ALDH2: variants seen among roughly 807,000 people sequenced by gnomAD.
ALDH2 encodes the protein aldehyde dehydrogenase 2 family member.
ALDH2 carries 44 observed loss-of-function variants against 59.6 expected under a neutral mutation model. That is an observed-to-expected ratio of 0.74 (90% CI 0.58 to 0.95). The LOEUF (loss-of-function observed/expected upper bound fraction) is 0.95. Among genes scored for constraint, ALDH2 ranks in the 40% least tolerant of loss-of-function variants. ALDH2 has a pLI of 0.00. For missense variants in ALDH2, 570 were observed against 696.3 expected, an observed-to-expected ratio of 0.82 and a Z score of 2.04; for synonymous variants, 291 against 284.0, an observed-to-expected ratio of 1.02 and a Z score of -0.25.
At chr12:111,807,221 C>A (rs2068502803) in intron 12 of ALDH2, among the ~76,000 whole-genome samples, 1 of 152,076 alleles carries the variant, frequency 6.6e-6, no homozygotes, top group African/African-American at 2.4e-5. Flanking sequence ...CGAGATGGTG[C>A]CACTGCACTC....
chr12:111,790,290 A>G, intron 5 of ALDH2, 144 bp from the exon 6 acceptor site: 1 of 1,058,762 alleles, frequency 9.4e-7, no homozygotes, highest in Non-Finnish European at 1.4e-6. Context: ...TCATCTTAAA[A>G]CCACGATGGA....
At position 111,799,977 on chromosome 12, in the gene ALDH2, C is replaced by T. The variant is rs1566193719; in HGVS notation, c.1320C>T (p.Ser440=). 6 of 1,613,928 alleles carry T rather than the reference C, an allele frequency of 3.7e-6. No individual in the cohort carries two copies. The South Asian group carries it at 5.5e-5, about 15-fold the overall frequency. ...AGGTTGTTGGGAGAGCCAACAATTC[C>T]ACGTACGGGCTGGCCGCAGCTGTCT... ...IEEVVGRANN[S]TYGLAAAVFT... Residue 440 remains serine (S), a synonymous_variant, in exon 11 of 13, where the codon TCC becomes TCT. Coordinates refer to ENST00000261733, the MANE Select transcript of ALDH2 (RefSeq NM_000690.4).
chr12:111,781,790 T>G, intron 1 of ALDH2, 128 bp from the exon 2 acceptor site: 1 of 673,640 alleles, frequency 1.5e-6, no homozygotes. Context: ...GTGCTTTTCA[T>G]TTGTAGGCTA....
chr12:111,785,326 C>T lies in ALDH2; in HGVS notation c.420C>T (p.Asp140=). The change falls in exon 4 of 13, where the codon GAC becomes GAT. Residue 140 remains aspartate, a synonymous_variant. Coordinates refer to ENST00000261733, the MANE Select transcript of ALDH2 (RefSeq NM_000690.4). ...PYVISYLVDL[D]MVLKCLRYYA... is the part of the protein sequence containing the mutation. ...TCATCTCCTACCTGGTGGATTTGGACATGGTCCTCAAATGTCTCCGGTATG... is the reference window on the plus strand; with the variant it reads ...TCATCTCCTACCTGGTGGATTTGGATATGGTCCTCAAATGTCTCCGGTATG... 1 of 1,614,078 alleles carries T rather than the reference C, an allele frequency of 6.2e-7. No individual in the cohort carries two copies. Among genetic ancestry groups the T allele is most frequent in the South Asian group, 1.1e-5 (1 of 91,084 alleles).
chr12:111,792,418 C>T (rs567771820), intron 8 of ALDH2, among the ~76,000 whole-genome samples, 180 bp from the exon 9 acceptor site: 9 of 152,394 alleles, frequency 5.9e-5, no homozygotes, highest in African/African-American at 1.2e-4. Flanking sequence ...GCCATCACGC[C>T]CTTTGTCCTG....
In ALDH2 at chr12:111,805,244, C is replaced by T. The variant is rs868660018; in HGVS notation, c.1521+1271C>T. On this transcript the variant is annotated intron_variant, in intron 12 of 12. Coordinates refer to ENST00000261733, the MANE Select transcript of ALDH2 (RefSeq NM_000690.4). The stretch of plus-strand genomic sequence containing the variant: ...TAAAAAAAGAAAGGAAAAACTGGAG[C>T]GTGGTGTTGCATGCCTGTAGTCCCA... Among the ~76,000 whole-genome samples the T allele has an allele frequency of 4.6e-5, 7 of 152,114 alleles. No homozygotes were observed. The South Asian group carries it at 6.2e-4, about 14-fold the overall frequency.
chr12:111,809,868 G>A lies in ALDH2; in HGVS notation c.*293G>A, dbSNP rs552684652. The A allele has an allele frequency of 6.7e-5, 31 of 465,000 alleles. No homozygotes were observed. The East Asian group carries it at 1.0e-3, about 16-fold the overall frequency. 28.8% of individuals were successfully genotyped at this position (465,000 alleles called of 1,614,324 possible). A position where few individuals can be genotyped will look rare whatever the true frequency, so the allele number is the denominator to read the frequency against. On this transcript the variant is annotated 3_prime_UTR_variant, in exon 13 of 13. Coordinates refer to ENST00000261733, the MANE Select transcript of ALDH2 (RefSeq NM_000690.4). ...CTCTCTGAAACGCTTCCTATAACTC[G>A]AGTTTATAGGGGAAGAAAAAGCTAT...
At chr12:111,790,325 G>T in intron 5 of ALDH2, 109 bp from the exon 6 acceptor site, 2 of 1,432,228 alleles carry the variant, frequency 1.4e-6, no homozygotes, top group South Asian at 1.3e-5. Context: ...GACACGCAGG[G>T]TTCAGAGAAC....
chr12:111,792,185 G>C, intron 8 of ALDH2, 22 bp downstream of exon 8: 1 of 1,571,630 alleles, frequency 6.4e-7, no homozygotes, highest in Non-Finnish European at 8.7e-7. Context: ...GCTGGAGAAG[G>C]CCTGGCCTTG....
chr12:111,805,519 C>G (rs2068487227), intron 12 of ALDH2, among the ~76,000 whole-genome samples: 1 of 152,110 alleles, frequency 6.6e-6, no homozygotes, highest in South Asian at 2.1e-4. Flanking sequence ...GAGATGGGGT[C>G]TCACTATGTT....
intron 1 of ALDH2, among the ~76,000 whole-genome samples, chr12:111,777,524 C>T (rs1038032209): frequency 1.6e-4 from 24 of 152,228 alleles, no homozygotes; most frequent in African/African-American, 5.8e-4. Flanking sequence ...GTGTGTGAGG[C>T]GTGAACCCTG....
chr12:111,770,058 C>A (rs1249027764), intron 1 of ALDH2, among the ~76,000 whole-genome samples: 3 of 151,458 alleles, frequency 2.0e-5, no homozygotes, highest in Non-Finnish European at 4.4e-5. Flanking sequence ...GCAGGAGCAT[C>A]ACTTGAACCT....
chr12:111,769,989 C>G (rs1489722595), intron 1 of ALDH2, among the ~76,000 whole-genome samples: 1 of 151,946 alleles, frequency 6.6e-6, no homozygotes, highest in African/African-American at 2.4e-5. Context: ...ACTGAAAATA[C>G]AAAAATTAGC....
intron 6 of ALDH2, 123 bp downstream of exon 6, chr12:111,790,685 A>G (rs2068351245): frequency 2.3e-6 from 3 of 1,320,792 alleles, no homozygotes; most frequent in Admixed American, 4.4e-5. Flanking sequence ...CCCCATCACC[A>G]TGTGAACCAG....
chr12:111,792,305 G>A (rs1253788651), intron 8 of ALDH2, 142 bp downstream of exon 8: 2 of 732,728 alleles, frequency 2.7e-6, no homozygotes, highest in Non-Finnish European at 2.3e-6. Flanking sequence ...CGCCAGCGCA[G>A]GGCCTGCATG....
chr12:111,787,791 G>A (rs2068321910), intron 4 of ALDH2, among the ~76,000 whole-genome samples: 1 of 152,054 alleles, frequency 6.6e-6, no homozygotes, highest in Non-Finnish European at 1.5e-5. Flanking sequence ...CAGCACTTTG[G>A]GAGGTCGCGG....
chr12:111,786,397 C>T (rs1445064567), intron 4 of ALDH2, among the ~76,000 whole-genome samples: 5 of 151,586 alleles, frequency 3.3e-5, no homozygotes, highest in African/African-American at 4.8e-5. Flanking sequence ...CCACCATGCC[C>T]GGCTGATTTT....
intron 7 of ALDH2, among the ~76,000 whole-genome samples, chr12:111,791,683 C>T (rs1000243016): frequency 2.6e-5 from 4 of 152,234 alleles, no homozygotes; most frequent in South Asian, 4.1e-4. Context: ...CAGAGCTGAC[C>T]GCTTGCCCCA....
intron 2 of ALDH2, among the ~76,000 whole-genome samples, chr12:111,782,654 G>T (rs1321816498): frequency 6.6e-6 from 1 of 152,228 alleles, no homozygotes; most frequent in African/African-American, 2.4e-5. Flanking sequence ...GGAGGCCAAG[G>T]TGGGCAGATC....
Sources: gnomAD v4.1 joint callset for allele counts (sites outside exome capture counted in the v4.1 genomes callset) on GRCh38, gnomAD v4.1.1 for gene constraint, MANE v1.5 for transcripts, NCBI Gene and HGNC (gene_info 2026-07-23, HGNC 2026-07-21) for gene names.